Variants in WTAP observed in about 807,000 individuals in gnomAD.
WTAP encodes the protein WT1 associated protein.
A neutral mutation model predicts 50.0 loss-of-function variants in WTAP; 8 were observed. The ratio of observed to expected loss-of-function variants is 0.16; its 90% CI spans 0.09 to 0.29. The LOEUF (loss-of-function observed/expected upper bound fraction) is 0.29, where lower values mean the gene tolerates loss of function less well. Among genes scored for constraint, WTAP ranks in the 10% least tolerant of loss-of-function variants. WTAP has a pLI of 1.00. For synonymous variants in WTAP, 194 were observed against 169.0 expected, an observed-to-expected ratio of 1.15 and a Z score of -1.15; for missense variants, 295 against 470.7, an observed-to-expected ratio of 0.63 and a Z score of 3.45.
At chr6:159,729,798 T>A (rs1282836170) in intron 1 of WTAP, among the ~76,000 whole-genome samples, 1 of 152,148 alleles carries the variant, frequency 6.6e-6, no homozygotes, top group East Asian at 1.9e-4. Context: ...CAGCTATGAT[T>A]TGTTCGCCAA....
intron 5 of WTAP, among the ~76,000 whole-genome samples, chr6:159,746,189 T>C (rs1023678277): frequency 6.6e-6 from 1 of 152,176 alleles, no homozygotes; most frequent in African/African-American, 2.4e-5. Context: ...GCCAAAAGAT[T>C]GGATACCCCT....
At chr6:159,747,614 T>C (rs1431981033) in intron 5 of WTAP, among the ~76,000 whole-genome samples, 2 of 152,242 alleles carry the variant, frequency 1.3e-5, no homozygotes, top group African/African-American at 2.4e-5. Flanking sequence ...TTTTAAGTTA[T>C]AATCTTGCAC....
intron 5 of WTAP, among the ~76,000 whole-genome samples, chr6:159,747,504 G>T (rs1390736426): frequency 6.6e-6 from 1 of 152,066 alleles, no homozygotes; most frequent in Non-Finnish European, 1.5e-5. Context: ...ACTTTATTTT[G>T]GCTTAAGGTC....
intron 5 of WTAP, among the ~76,000 whole-genome samples, chr6:159,745,989 A>G (rs561847137): frequency 3.3e-5 from 5 of 152,326 alleles, no homozygotes; most frequent in African/African-American, 1.2e-4. Flanking sequence ...TGCTACTAGG[A>G]TAGATCCTAC....
rs138053621 is a variant in WTAP at position 159,755,245 on chromosome 6, C to T, written c.825C>T (p.Asn275=). Residue 275 remains asparagine, a synonymous_variant, in exon 8 of 8, where the codon AAC becomes AAT. Coordinates refer to ENST00000621533, the MANE Select transcript of WTAP (RefSeq NM_001270531.2). ...ATSKDCSRLT[N]GPSNGSSSRQ... ...GTAAAGACTGCAGTCGTCTGACAAA[C>T]GGACCAAGTAATGGTAGCTCCTCCC... 115 of 1,614,136 alleles carry T rather than the reference C, an allele frequency of 7.1e-5. No homozygotes were observed. The East Asian group carries it at 1.9e-3, about 27-fold the overall frequency.
intron 3 of WTAP, 150 bp from the exon 4 acceptor site, chr6:159,741,938 C>T (rs939423143): frequency 8.4e-6 from 5 of 593,926 alleles, no homozygotes; most frequent in Admixed American, 3.3e-5. Flanking sequence ...GGGGACAGAG[C>T]GAGACTCTGT....
At chr6:159,751,439 G>A (rs536433782) in intron 6 of WTAP, among the ~76,000 whole-genome samples, 87 of 152,332 alleles carry the variant, frequency 5.7e-4, no homozygotes, top group Admixed American at 2.4e-3. Context: ...AGTTTTGAGA[G>A]CATAGGCAGT....
chr6:159,753,681 A>G, intron 7 of WTAP, 67 bp downstream of exon 7: 1 of 1,521,526 alleles, frequency 6.6e-7, no homozygotes, highest in South Asian at 1.3e-5. Flanking sequence ...ACTGCCAGTC[A>G]TGAATATTAT....
intron 6 of WTAP, among the ~76,000 whole-genome samples, chr6:159,752,463 C>T (rs1472431170): frequency 6.6e-6 from 1 of 151,966 alleles, no homozygotes; most frequent in Non-Finnish European, 1.5e-5. Context: ...TTGAGCTTTT[C>T]ATTACATATT....
In WTAP at chr6:159,755,826, G is replaced by A. The variant is rs1490438345; in HGVS notation, c.*215G>A. On this transcript the variant is annotated 3_prime_UTR_variant, in exon 8 of 8. Coordinates refer to ENST00000621533, the MANE Select transcript of WTAP (RefSeq NM_001270531.2). Reference sequence around the variant, plus strand: ...TTCTGCCGCTTTGGAAATTGTAACAGTTAATTACTTTGAATGTTGCTAAAA... The same window carrying A: ...TTCTGCCGCTTTGGAAATTGTAACAATTAATTACTTTGAATGTTGCTAAAA... The A allele has an allele frequency of 1.4e-6, 1 of 729,582 alleles. No homozygotes were observed. Among genetic ancestry groups the A allele is most frequent in the East Asian group, 4.0e-5 (1 of 24,798 alleles). The allele number at this position is 729,582 out of a possible 1,614,324, so 45.2% of individuals were successfully genotyped here.
At position 159,748,887 on chromosome 6, in the gene WTAP, G is replaced by A. The variant is rs1313834797; in HGVS notation, c.452+518G>A. On this transcript the variant is annotated intron_variant, in intron 6 of 7. Coordinates refer to ENST00000621533, the MANE Select transcript of WTAP (RefSeq NM_001270531.2). This position sits in a 1 kb window ranked among gnomAD's most constrained non-coding sequence, Gnocchi z 5.6. ...GTGTATCAGTTTTGCCAATAAGACT[G>A]TGGACTTCATGATTGTTGTTGAACT... The A allele has an allele frequency of 7.5e-6, 9 of 1,192,414 alleles. No homozygotes were observed. Among genetic ancestry groups the A allele is most frequent in the East Asian group, 3.5e-5 (1 of 28,418 alleles). The allele number at this position is 1,192,414 out of a possible 1,614,324, so 73.9% of individuals were successfully genotyped here. A position where few individuals can be genotyped will look rare whatever the true frequency, so the allele number is the denominator to read the frequency against.
In WTAP at chr6:159,748,045, A is replaced by T; in HGVS notation, c.274-146A>T. 9.3e-7 allele frequency: 1 copy of T among 1,071,162 alleles called. No individual in the cohort carries two copies. Among genetic ancestry groups the T allele is most frequent in the Non-Finnish European group, 1.3e-6 (1 of 755,674 alleles). The allele number at this position is 1,071,162 out of a possible 1,614,324, so 66.4% of individuals were successfully genotyped here. Reference sequence around the variant, plus strand: ...GTCTGTACTTTTTCTAGAAAGTTTTAAGATTTTTCTAGAGAATTTCAGGAT... The same window carrying T: ...GTCTGTACTTTTTCTAGAAAGTTTTTAGATTTTTCTAGAGAATTTCAGGAT... On this transcript the variant is annotated intron_variant, in intron 5 of 7. Transcript: ENST00000621533. This position sits in a 1 kb window ranked among gnomAD's most constrained non-coding sequence, Gnocchi z 5.6.
Position 159,755,316 on chromosome 6 carries a change from C to G in WTAP, c.896C>G (p.Thr299Ser). Residue 299 changes from threonine (T) to serine (S), a missense_variant, in exon 8 of 8, where the codon ACC (threonine) becomes AGC (serine). Thr to Ser is a moderately conservative substitution (Grantham distance 58). Transcript: ENST00000621533. ...GGATTTCACAGGGAGGGCAACACAA[C>G]CGAAGATGACTTTCCTTCTTCTCCA... ...GSGFHREGNT[T>S]EDDFPSSPGN... 6.2e-7 allele frequency: 1 copy of G among 1,614,226 alleles called. No individual in the cohort carries two copies. The highest frequency in any genetic ancestry group is 8.5e-7 in the Non-Finnish European group (1 of 1,180,048).
chr6:159,734,525 A>T (rs1452809110), intron 1 of WTAP, among the ~76,000 whole-genome samples: 1 of 152,190 alleles, frequency 6.6e-6, no homozygotes, highest in Non-Finnish European at 1.5e-5. Context: ...AGAAATAATA[A>T]CTAGGGCTGG....
In WTAP at chr6:159,755,797, A is replaced by G. The variant is rs1224160001; in HGVS notation, c.*186A>G. 1.7e-5 allele frequency: 14 copies of G among 809,512 alleles called. No individual in the cohort carries two copies. Among genetic ancestry groups the G allele is most frequent in the Admixed American group, 7.0e-5 (1 of 14,218 alleles). The allele number at this position is 809,512 out of a possible 1,614,324, so 50.1% of individuals were successfully genotyped here. A position where few individuals can be genotyped will look rare whatever the true frequency, so the allele number is the denominator to read the frequency against. On this transcript the variant is annotated 3_prime_UTR_variant, in exon 8 of 8. Transcript: ENST00000621533. ...TTTTTTTTTTTTTTTTTTTGCTTCA[A>G]TACTTCTGCCGCTTTGGAAATTGTA...
At chr6:159,727,143 T>C (rs1461797945), upstream of WTAP, 3 of 1,193,178 alleles carry the variant, frequency 2.5e-6, no homozygotes, top group African/African-American at 3.2e-5. Flanking sequence ...CTTGCTGAGC[T>C]CCGGGGCCCG....
chr6:159,735,333 G>A (rs1778842065), intron 1 of WTAP, among the ~76,000 whole-genome samples: 1 of 152,170 alleles, frequency 6.6e-6, no homozygotes, highest in African/African-American at 2.4e-5. Context: ...TAGAGACCGA[G>A]TTTCACCATG....
chr6:159,735,883 T>G (rs1282994987), intron 1 of WTAP, among the ~76,000 whole-genome samples: 1 of 152,216 alleles, frequency 6.6e-6, no homozygotes, highest in Non-Finnish European at 1.5e-5. Context: ...TATTACCCTT[T>G]TATAGTCCCT....
At chr6:159,746,141 C>T (rs1446832995) in intron 5 of WTAP, among the ~76,000 whole-genome samples, 3 of 152,070 alleles carry the variant, frequency 2.0e-5, no homozygotes, top group Admixed American at 6.6e-5. Flanking sequence ...TAAAATTGTT[C>T]GTTAGATTTG....
Sources: allele counts gnomAD v4.1 joint callset (sites outside exome capture counted in the v4.1 genomes callset), GRCh38; gene constraint gnomAD v4.1.1; non-coding constraint Gnocchi (gnomAD v3.1); transcripts MANE v1.5; gene names NCBI Gene and HGNC (gene_info 2026-07-23, HGNC 2026-07-21).